Variants in NOCT observed in about 807,000 individuals in gnomAD.
NOCT encodes the protein nocturnin, also known as CCR4 carbon catabolite repression 4-like.
NOCT carries 18 observed loss-of-function variants against 35.0 expected under a neutral mutation model. The ratio of observed to expected loss-of-function variants is 0.51; its 90% confidence interval spans 0.36 to 0.76. The LOEUF (loss-of-function observed/expected upper bound fraction) is 0.76. NOCT is among the 30% of genes least tolerant of loss of function. The pLI is 0.01. For synonymous variants in NOCT, 235 were observed against 226.3 expected (o/e 1.04, Z -0.34); for missense variants, 479 against 541.0 (o/e 0.89, Z 1.14).
rs762981302 is a variant in NOCT, at chr4:139,045,237, T to C, written c.1059T>C (p.Ala353=). The change falls in exon 3 of 3, where the codon GCT becomes GCC. Residue 353 remains alanine, a synonymous_variant. Transcript: ENST00000280614. ...ACAGCGCCTACAAGCTGCTGAGTGC[T>C]GATGGGCAGTCAGAACCCCCATACA... ...NLNSAYKLLS[A]DGQSEPPYTT... The C allele has an allele frequency of 1.4e-5, 22 of 1,614,156 alleles. No homozygotes were observed. Among genetic ancestry groups the C allele is most frequent in the Non-Finnish European group, 1.8e-5 (21 of 1,179,994 alleles).
chr4:139,026,436 C>G (rs1474989028), intron 1 of NOCT, among the ~76,000 whole-genome samples: 1 of 152,086 alleles, frequency 6.6e-6, no homozygotes, highest in South Asian at 2.1e-4. Context: ...TTATATAGCC[C>G]AGGCTGAACT....
At chr4:139,043,511 T>G in intron 2 of NOCT, 168 bp downstream of exon 2, 1 of 573,088 alleles carries the variant, frequency 1.7e-6, no homozygotes, top group East Asian at 2.9e-5. Context: ...GGGAATCATC[T>G]GGTTTTCACT....
chr4:139,020,788 G>A lies in NOCT; in HGVS notation c.190+4617G>A, dbSNP rs1474457754. 3.3e-5 allele frequency among the ~76,000 whole-genome samples: 5 copies of A among 152,030 alleles called. No homozygotes were observed. In the South Asian group the frequency reaches 6.2e-4, roughly 19 times the overall value. On this transcript the variant is annotated intron_variant, in intron 1 of 2. Transcript: ENST00000280614. Reference sequence around the variant, plus strand: ...GAGCCTTAAGACCTTTGGTCTGGCCGGGCACAGTGGTTCACGCCTGTAATC... The same window carrying A: ...GAGCCTTAAGACCTTTGGTCTGGCCAGGCACAGTGGTTCACGCCTGTAATC...
intron 1 of NOCT, among the ~76,000 whole-genome samples, chr4:139,026,862 CTTTTTTTTTTTTTTTTTTTTTTTT>C (rs1165378672): frequency 8.3e-6 from 1 of 120,246 alleles, no homozygotes; most frequent in African/African-American, 3.5e-5. Context: ...TTTTTTTTTT[CTTTTTTTTTTTTTTTTTTTTTTTT>C]TTTTTTTGAG....
chr4:139,032,264 G>A (rs1202709009), intron 1 of NOCT, among the ~76,000 whole-genome samples: 2 of 152,278 alleles, frequency 1.3e-5, no homozygotes, highest in South Asian at 4.1e-4. Context: ...AGTGGCAGGG[G>A]GATGGGGTGA....
chr4:139,021,225 A>G (rs1398111970), intron 1 of NOCT, among the ~76,000 whole-genome samples: 1 of 151,900 alleles, frequency 6.6e-6, no homozygotes, highest in Non-Finnish European at 1.5e-5. Flanking sequence ...TGGTCTCGAA[A>G]TCCTGGGCTC....
chr4:139,040,256 G>T (rs1726812697), intron 1 of NOCT, among the ~76,000 whole-genome samples: 1 of 143,138 alleles, frequency 7.0e-6, no homozygotes, highest in Non-Finnish European at 1.5e-5. Flanking sequence ...TAGCCAAGAT[G>T]GTCTCGATCT....
At chr4:139,019,886 T>C (rs1463117682) in intron 1 of NOCT, among the ~76,000 whole-genome samples, 1 of 152,250 alleles carries the variant, frequency 6.6e-6, no homozygotes, top group African/African-American at 2.4e-5. Context: ...AATGAAGAGC[T>C]GGCTGAACTA....
chr4:139,016,178 G>A lies in NOCT; in HGVS notation c.190+7G>A. On this transcript the variant is annotated splice_region_variant and intron_variant, in intron 1 of 2. Coordinates refer to ENST00000280614, the MANE Select transcript of NOCT (RefSeq NM_012118.4). ...AGGTCGTGTTCCCGAACAGGTGAGT[G>A]CACCCCAGTTCCGGGCGGAGAACGC... The A allele has an allele frequency of 8.0e-7, 1 of 1,243,328 alleles. No homozygotes were observed. The allele number at this position is 1,243,328 out of a possible 1,614,324, so 77.0% of individuals were successfully genotyped here. A position where few individuals can be genotyped will look rare whatever the true frequency, so the allele number is the denominator to read the frequency against.
At chr4:139,016,310 C>T in intron 1 of NOCT, 139 bp downstream of exon 1, 1 of 439,748 alleles carries the variant, frequency 2.3e-6, no homozygotes, top group Non-Finnish European at 3.6e-6. Context: ...TTTACCGGAG[C>T]AACCTTCTGC....
chr4:139,022,753 C>T (rs1726439505), intron 1 of NOCT, among the ~76,000 whole-genome samples: 1 of 152,226 alleles, frequency 6.6e-6, no homozygotes, highest in Non-Finnish European at 1.5e-5. Context: ...CTGTGTTGCC[C>T]AGGCTGCTCT....
chr4:139,037,184 A>G (rs1218323917), intron 1 of NOCT, among the ~76,000 whole-genome samples: 1 of 152,230 alleles, frequency 6.6e-6, no homozygotes, highest in Non-Finnish European at 1.5e-5. Flanking sequence ...AGACAAGACT[A>G]TAGTAAACAC....
rs1403846753 is a variant in NOCT, at chr4:139,045,179, A to G, written c.1001A>G (p.Tyr334Cys). Residue 334 changes from tyrosine (Y) to cysteine (C), a missense_variant, in exon 3 of 3, where the codon TAC becomes TGC. Physicochemically the swap from Tyr to Cys is radical, Grantham distance 194. Coordinates refer to ENST00000280614, the MANE Select transcript of NOCT (RefSeq NM_012118.4). ...AATGCAGAGCCAACAGAAGAGGTCT[A>G]CAAACACTTTGCTTCCTCCAGCCTC... ...DFNAEPTEEV[Y>C]KHFASSSLNL... 2 of 1,614,216 alleles carry G rather than the reference A, an allele frequency of 1.2e-6. No homozygotes were observed. The highest frequency in any genetic ancestry group is 1.7e-6 in the Non-Finnish European group (2 of 1,180,026).
rs1560735532 is a variant in NOCT, at chr4:139,044,977, A to G, written c.799A>G (p.Ile267Val). ...GACATTGAAAACCAACCAGGTGGCC[A>G]TTGCACAGACCCTGGAGTGCAAGGA... ...AMTLKTNQVAIAQTLECKESG... is the reference protein window; with the variant it reads ...AMTLKTNQVAVAQTLECKESG... Residue 267 changes from isoleucine to valine, a missense_variant, in exon 3 of 3, where the codon ATT (isoleucine) becomes GTT (valine). Physicochemically the swap from Ile to Val is conservative, Grantham distance 29. Around this residue, in one of 2 missense-constraint regions of NOCT, gnomAD observed 214 missense variants for 284.0 expected, o/e 0.75. Transcript: ENST00000280614. The G allele has an allele frequency of 1.9e-6, 3 of 1,614,226 alleles. No homozygotes were observed. The highest frequency in any genetic ancestry group is 1.3e-5 in the African/African-American group (1 of 75,058).
chr4:139,044,435 G>A (rs1401507571), intron 2 of NOCT, among the ~76,000 whole-genome samples: 2 of 152,092 alleles, frequency 1.3e-5, no homozygotes, highest in Admixed American at 6.6e-5. Flanking sequence ...AAATCATTTC[G>A]AAACAAAAGA....
chr4:139,039,868 C>CA (rs1560733969), intron 1 of NOCT, among the ~76,000 whole-genome samples: 1 of 152,048 alleles, frequency 6.6e-6, no homozygotes. Flanking sequence ...GCTGGGATTA[C>CA]AGGCGCCCAA....
At chr4:139,021,376 T>C (rs1245779080) in intron 1 of NOCT, among the ~76,000 whole-genome samples, 3 of 152,050 alleles carry the variant, frequency 2.0e-5, no homozygotes, top group African/African-American at 7.2e-5. Context: ...CCCAGCACTT[T>C]GGGAGGCCAA....
intron 1 of NOCT, among the ~76,000 whole-genome samples, chr4:139,019,684 AGTT>A (rs1726374659): frequency 1.3e-5 from 2 of 151,994 alleles, no homozygotes; most frequent in Non-Finnish European, 2.9e-5. Flanking sequence ...GTCCCTTTGG[AGTT>A]ATCAGATTCC....
intron 1 of NOCT, among the ~76,000 whole-genome samples, chr4:139,016,885 C>T (rs1726318770): frequency 6.6e-6 from 1 of 151,456 alleles, no homozygotes; most frequent in Non-Finnish European, 1.5e-5. Flanking sequence ...GAACTCCTGA[C>T]CTCGTGATCC....
Sources: gnomAD v4.1 joint callset for allele counts (sites outside exome capture counted in the v4.1 genomes callset) on GRCh38, gnomAD v4.1.1 for gene constraint, gnomAD v4.1.1 regional missense constraint, MANE v1.5 for transcripts, NCBI Gene and HGNC (gene_info 2026-07-23, HGNC 2026-07-21) for gene names.